KDM6B: variants seen among roughly 807,000 people sequenced by gnomAD.
The protein encoded by KDM6B is lysine demethylase 6B.
A neutral mutation model predicts 150.4 loss-of-function variants in KDM6B; 22 were observed. That is an observed-to-expected ratio of 0.15 (90% CI 0.10 to 0.21). The LOEUF (loss-of-function observed/expected upper bound fraction) is 0.21, where lower values mean the gene tolerates loss of function less well. KDM6B is among the 10% of genes least tolerant of loss of function. The probability of loss-of-function intolerance (pLI) is 1.00; values close to 1 mark genes in which losing one functional copy is unlikely to be tolerated. For missense variants in KDM6B, 1,984 were observed against 2,234.3 expected (o/e 0.89, Z 2.26); for synonymous variants, 1,148 against 921.1 (o/e 1.25, Z -4.46).
intron 1 of KDM6B, among the ~76,000 whole-genome samples, chr17:7,838,151 C>T (rs1268378087): frequency 7.4e-6 from 1 of 134,788 alleles, no homozygotes; most frequent in African/African-American, 2.8e-5. Flanking sequence ...AGAGGGACTC[C>T]ACAGTTTCTC....
Position 7,840,044 on chromosome 17 carries a change from CCCTCTCT to C in KDM6B, c.-269+25_-269+31del, listed in dbSNP as rs1738219471. 2 of 152,630 alleles carry C rather than the reference CCCTCTCT, an allele frequency of 1.3e-5. No homozygotes were observed. The highest frequency in any genetic ancestry group is 4.8e-5 in the African/African-American group (2 of 41,422). 9.5% of individuals were successfully genotyped at this position (152,630 alleles called of 1,614,324 possible). On this transcript the variant is annotated intron_variant, in intron 2 of 23. Coordinates refer to ENST00000448097, the MANE Select transcript of KDM6B (RefSeq NM_001348716.2). ...CATCTGGTAAGTCCTGTCTGAGTGA[CCCTCTCT>C]CCTCAGCAGTCTAACTCTGCACCAC... is the stretch of plus-strand genomic sequence containing the variant.
At chr17:7,845,804 C>A in intron 5 of KDM6B, 68 bp from the exon 6 acceptor site, 1 of 1,583,626 alleles carries the variant, frequency 6.3e-7, no homozygotes, top group Non-Finnish European at 8.7e-7. Context: ...GTGCATCAGC[C>A]CCCTCCTGCC....
In KDM6B at chr17:7,847,495, G is replaced by C. The variant is rs371346394; in HGVS notation, c.1257+43G>C. 10 of 1,613,316 alleles carry C rather than the reference G, an allele frequency of 6.2e-6. No individual in the cohort carries two copies. In the African/African-American group the frequency reaches 1.1e-4, roughly 17 times the overall value. ...GTGGAGGGGGGGATGGGTGGAGCTTGTCTTGAGGCAGCCCGAGCAATGCTC... is the reference window on the plus strand; with the variant it reads ...GTGGAGGGGGGGATGGGTGGAGCTTCTCTTGAGGCAGCCCGAGCAATGCTC... On this transcript the variant is annotated intron_variant, in intron 11 of 23. Coordinates refer to ENST00000448097, the MANE Select transcript of KDM6B (RefSeq NM_001348716.2).
intron 14 of KDM6B, among the ~76,000 whole-genome samples, chr17:7,850,500 A>G (rs2078669733): frequency 6.6e-6 from 1 of 152,244 alleles, no homozygotes; most frequent in Non-Finnish European, 1.5e-5. Flanking sequence ...AATTTCAAAC[A>G]CATACAAAAT....
chr17:7,846,757 G>T lies in KDM6B; in HGVS notation c.711+17G>T, dbSNP rs768585576. On this transcript the variant is annotated intron_variant, in intron 9 of 23. Coordinates refer to ENST00000448097, the MANE Select transcript of KDM6B (RefSeq NM_001348716.2). ...TCTGAACAGGTGTGGGTATAGGGGGGCCAGCAGGCAGTAAGTAGGCAGGAC... is the reference window on the plus strand; with the variant it reads ...TCTGAACAGGTGTGGGTATAGGGGGTCCAGCAGGCAGTAAGTAGGCAGGAC... The T allele has an allele frequency of 2.5e-6, 4 of 1,613,816 alleles. No individual in the cohort carries two copies. Among genetic ancestry groups the T allele is most frequent in the South Asian group, 2.2e-5 (2 of 91,090 alleles).
At position 7,848,098 on chromosome 17, in the gene KDM6B, C is replaced by G. The variant is rs2078602261; in HGVS notation, c.1810C>G (p.Leu604Val). The change falls in exon 12 of 24, where the codon CTT becomes GTT. Residue 604 changes from leucine to valine, a missense_variant. By Grantham distance (32) the Leu-to-Val change is conservative (BLOSUM62 1). Coordinates refer to ENST00000448097, the MANE Select transcript of KDM6B (RefSeq NM_001348716.2). ...PQDPPLVPLTLALPPAPPSSC... is the reference protein window; with the variant it reads ...PQDPPLVPLTVALPPAPPSSC... ...GGACCCACCTCTTGTACCCCTGACT[C>G]TTGCCCTGCCTCCAGCCCCTCCTTC... 5 of 1,612,760 alleles carry G rather than the reference C, an allele frequency of 3.1e-6. No homozygotes were observed. In the South Asian group the frequency reaches 5.5e-5, roughly 18 times the overall value.
chr17:7,846,056 C>A, intron 6 of KDM6B, 22 bp from the exon 7 acceptor site: 2 of 1,530,492 alleles, frequency 1.3e-6, no homozygotes, highest in Non-Finnish European at 1.8e-6. Flanking sequence ...CCACCCACAC[C>A]CCCACCCCTT....
intron 2 of KDM6B, among the ~76,000 whole-genome samples, chr17:7,841,279 G>A (rs1214378501): frequency 2.0e-5 from 3 of 152,184 alleles, no homozygotes; most frequent in Admixed American, 6.5e-5. Context: ...CAGGGATGTC[G>A]AGGGATGGGA....
At position 7,847,132 on chromosome 17, in the gene KDM6B, T is replaced by C; in HGVS notation, c.937T>C (p.Tyr313His). 6.2e-7 allele frequency: 1 copy of C among 1,610,804 alleles called. No individual in the cohort carries two copies. Among genetic ancestry groups the C allele is most frequent in the Non-Finnish European group, 8.5e-7 (1 of 1,179,860 alleles). The change falls in exon 11 of 24, where the codon TAT becomes CAT. Residue 313 changes from tyrosine (Y) to histidine (H), a missense_variant. By Grantham distance (83) the Tyr-to-His change is moderately conservative (BLOSUM62 2). This residue lies in a region of KDM6B where 1,379 missense variants were observed against 1,275.6 expected (regional missense o/e 1.08). Coordinates refer to ENST00000448097, the MANE Select transcript of KDM6B (RefSeq NM_001348716.2). ...GCAGCGGCACTCGCTGCCTCACCCA[T>C]ATCCATACCCAGCTCCAGCGTACAC... Reference protein sequence around the residue: ...QEQRHSLPHPYPYPAPAYTAH... With the variant: ...QEQRHSLPHPHPYPAPAYTAH...
rs773707920 is a variant in KDM6B, at chr17:7,849,524, C to T, written c.3236C>T (p.Pro1079Leu). The T allele has an allele frequency of 5.6e-6, 9 of 1,612,728 alleles. No homozygotes were observed. In the East Asian group the frequency reaches 1.8e-4, roughly 32 times the overall value. Residue 1079 changes from proline to leucine, a missense_variant, in exon 12 of 24, where the codon CCA becomes CTA. Pro to Leu is a moderately conservative substitution (Grantham distance 98, BLOSUM62 -3). Coordinates refer to ENST00000448097, the MANE Select transcript of KDM6B (RefSeq NM_001348716.2). Reference sequence around the variant, plus strand: ...GGAAAGAAGGCTCGGGAGGAAGCCCCAGGGCCACCGGGTGTCAGCCGGGCC... The same window carrying T: ...GGAAAGAAGGCTCGGGAGGAAGCCCTAGGGCCACCGGGTGTCAGCCGGGCC... ...VPGKKAREEA[P>L]GPPGVSRADM... is the part of the protein sequence containing the mutation.
chr17:7,849,621 G>C lies in KDM6B; in HGVS notation c.3333G>C (p.Glu1111Asp). 1 of 1,611,900 alleles carries C rather than the reference G, an allele frequency of 6.2e-7. No homozygotes were observed. The highest frequency in any genetic ancestry group is 8.5e-7 in the Non-Finnish European group (1 of 1,180,026). ...KELKIRLIKV[E>D]SGDKETFIAS... ...TGAAGATCCGGCTCATCAAGGTAGA[G>C]AGTGGTGACAAGGAGACCTTTATCG... Residue 1111 changes from glutamate to aspartate, a missense_variant, in exon 12 of 24, where the codon GAG (glutamate) becomes GAC (aspartate). Physicochemically the swap from Glu to Asp is conservative, Grantham distance 45. Coordinates refer to ENST00000448097, the MANE Select transcript of KDM6B (RefSeq NM_001348716.2).
intron 1 of KDM6B, among the ~76,000 whole-genome samples, chr17:7,838,844 C>CAGCTG (rs2078373089): frequency 3.3e-5 from 5 of 152,114 alleles, no homozygotes; most frequent in Non-Finnish European, 7.4e-5. Context: ...CCTCTACCAC[C>CAGCTG]TACAGCTGAC....
Position 7,853,317 on chromosome 17 carries a change from C to T in KDM6B, c.4845C>T (p.Gly1615=), listed in dbSNP as rs202204039. Residue 1615 remains glycine (G), a synonymous_variant, in exon 23 of 24, where the codon GGC becomes GGT. Transcript: ENST00000448097. ...GGCGCCGCAGCGCAGGCCTGCAGGG[C>T]GTGGTGGTGCTGGAGCAGTACCGCA... ...CARRRSAGLQ[G]VVVLEQYRTE... 1.9e-6 allele frequency: 3 copies of T among 1,593,466 alleles called. No homozygotes were observed. The highest frequency in any genetic ancestry group is 1.3e-5 in the African/African-American group (1 of 74,778).
chr17:7,847,830 T>TTCCCCCCCCCCCCCCCC lies in KDM6B; in HGVS notation c.1542_1543insTCCCCCCCCCCCCCCCC (p.Ala515SerfsTer73). ...TTGGGACTGAGGGACCCCCCCGCCC[T>TTCCCCCCCCCCCCCCCC]GCCCCACCACCCCTCCCCCATCGCG... is the stretch of plus-strand genomic sequence containing the variant. On this transcript the variant is annotated frameshift_variant, in exon 12 of 24. Transcript: ENST00000448097. LOFTEE classifies it high-confidence loss of function. 4.8e-6 allele frequency: 2 copies of TTCCCCCCCCCCCCCCCC among 414,616 alleles called. No homozygotes were observed. Among genetic ancestry groups the TTCCCCCCCCCCCCCCCC allele is most frequent in the South Asian group, 3.1e-5 (1 of 31,880 alleles). 25.7% of individuals were successfully genotyped at this position (414,616 alleles called of 1,614,324 possible).
At chr17:7,836,163 A>T (rs2078330712) in intron 1 of KDM6B, among the ~76,000 whole-genome samples, 1 of 152,146 alleles carries the variant, frequency 6.6e-6, no homozygotes, top group Non-Finnish European at 1.5e-5. Flanking sequence ...ACTGCGGGGA[A>T]GCCCCGGACG....
rs745619650 is a variant in KDM6B at position 7,851,406 on chromosome 17, G to GT, written c.3944+13dup. ...GGAACCCCTCCTAGGTACTGTGCAG[G>GT]TGTGCCCCTTCTGTTCCTGCTTCCT... On this transcript the variant is annotated intron_variant, in intron 16 of 23. Transcript: ENST00000448097. 2.5e-6 allele frequency: 4 copies of GT among 1,614,132 alleles called. No individual in the cohort carries two copies. In the East Asian group the frequency reaches 8.9e-5, roughly 36 times the overall value.
rs761815806 is a variant in KDM6B, at chr17:7,848,312, C to A, written c.2024C>A (p.Pro675His). The A allele has an allele frequency of 1.2e-6, 2 of 1,612,628 alleles. No homozygotes were observed. Among genetic ancestry groups the A allele is most frequent in the Non-Finnish European group, 1.7e-6 (2 of 1,179,952 alleles). The part of the protein sequence containing the change: ...ARGPRLFDFP[P>H]TPLEDQFEEP... ...GGCCCTCGACTCTTTGATTTTCCCCCCACTCCGCTGGAGGACCAGTTTGAG... is the reference window on the plus strand; with the variant it reads ...GGCCCTCGACTCTTTGATTTTCCCCACACTCCGCTGGAGGACCAGTTTGAG... The change falls in exon 12 of 24, where the codon CCC becomes CAC. Residue 675 changes from proline (P) to histidine (H), a missense_variant. Pro to His is a moderately conservative substitution (Grantham distance 77). Transcript: ENST00000448097.
Position 7,847,398 on chromosome 17 carries a change from C to T in KDM6B, c.1203C>T (p.Ser401=). 1.2e-6 allele frequency: 2 copies of T among 1,613,472 alleles called. No homozygotes were observed. Among genetic ancestry groups the T allele is most frequent in the Non-Finnish European group, 1.7e-6 (2 of 1,179,972 alleles). ...PGLPGTTTSS[S]SSSSSNTGLR... is the part of the protein sequence containing the mutation. ...TCCCCGGCACCACCACCAGCAGCAG[C>T]AGTAGCAGCAGCAGCAACACTGGTC... The change falls in exon 11 of 24, where the codon AGC becomes AGT. Residue 401 remains serine (S), a synonymous_variant. Coordinates refer to ENST00000448097, the MANE Select transcript of KDM6B (RefSeq NM_001348716.2).
At position 7,854,447 on chromosome 17, in the gene KDM6B, G is replaced by A. The variant is rs2078771309; in HGVS notation, c.*926G>A. Reference sequence around the variant, plus strand: ...AAATAAAAAAATTAAAGGTTTTAAAGAAAGAACTATGAGGAAAAGGAACCC... The same window carrying A: ...AAATAAAAAAATTAAAGGTTTTAAAAAAAGAACTATGAGGAAAAGGAACCC... On this transcript the variant is annotated 3_prime_UTR_variant, in exon 24 of 24. Coordinates refer to ENST00000448097, the MANE Select transcript of KDM6B (RefSeq NM_001348716.2). 2 of 152,228 alleles carry A rather than the reference G, an allele frequency of 1.3e-5. No individual in the cohort carries two copies. Among genetic ancestry groups the A allele is most frequent in the South Asian group, 2.1e-4 (1 of 4,836 alleles). The allele number at this position is 152,228 out of a possible 1,614,324, so 9.4% of individuals were successfully genotyped here.
Sources: allele counts gnomAD v4.1 joint callset (sites outside exome capture counted in the v4.1 genomes callset), GRCh38; gene constraint gnomAD v4.1.1; regional missense constraint gnomAD v4.1.1; transcripts MANE v1.5; gene names NCBI Gene and HGNC (gene_info 2026-07-23, HGNC 2026-07-21).